Variants in PIGB observed in about 807,000 individuals in gnomAD.
The protein encoded by PIGB is GPI alpha-1,2-mannosyltransferase 3.
Under a neutral mutation model 68.4 loss-of-function variants are expected in PIGB, and 58 were observed. The observed-to-expected ratio is 0.85, with a 90% CI of 0.69 to 1.06. The LOEUF (loss-of-function observed/expected upper bound fraction) is 1.06. Ranked by LOEUF, PIGB falls within the 50% of genes least tolerant of loss-of-function variation. PIGB has a pLI of 0.00. For missense variants in PIGB, 634 were observed against 655.8 expected (o/e 0.97, Z 0.36); for synonymous variants, 219 against 220.5 (o/e 0.99, Z 0.06).
At chr15:55,323,073 C>G (rs2055203153) in intron 3 of PIGB, among the ~76,000 whole-genome samples, 1 of 152,138 alleles carries the variant, frequency 6.6e-6, no homozygotes, top group Non-Finnish European at 1.5e-5. Flanking sequence ...CTGCTCCAAC[C>G]CCTCTAAAAG....
intron 7 of PIGB, among the ~76,000 whole-genome samples, chr15:55,339,658 T>C (rs1457030301): frequency 6.6e-6 from 1 of 152,238 alleles, no homozygotes; most frequent in Non-Finnish European, 1.5e-5. Flanking sequence ...CATTGTAAAG[T>C]ACCACACAGT....
At chr15:55,327,903 C>A (rs1408543272) in intron 4 of PIGB, among the ~76,000 whole-genome samples, 1 of 152,180 alleles carries the variant, frequency 6.6e-6, no homozygotes, top group South Asian at 2.1e-4. Context: ...CCCCTTCACT[C>A]CTCAAAACTG....
intron 6 of PIGB, among the ~76,000 whole-genome samples, chr15:55,335,378 A>G (rs1481701661): frequency 1.3e-5 from 2 of 152,212 alleles, no homozygotes; most frequent in Non-Finnish European, 2.9e-5. Context: ...ATAACATTGC[A>G]TTAAATGTAT....
At chr15:55,339,617 T>G (rs16976260) in intron 7 of PIGB, among the ~76,000 whole-genome samples, 2 of 152,162 alleles carry the variant, frequency 1.3e-5, no homozygotes, top group African/African-American at 4.8e-5. Flanking sequence ...TGTAATGTTT[T>G]CAAAGCTTTA....
Position 55,350,920 on chromosome 15 carries a change from A to G in PIGB, c.1337+8A>G. On this transcript the variant is annotated splice_region_variant and intron_variant, in intron 10 of 11. Coordinates refer to ENST00000164305, the MANE Select transcript of PIGB (RefSeq NM_004855.5). ...CTCTACTCCTTATTACAGGTAATAA[A>G]AGATGTTCCACTATATGCTGTTAAG... 7.2e-7 allele frequency: 1 copy of G among 1,394,916 alleles called. No homozygotes were observed. Among genetic ancestry groups the G allele is most frequent in the Non-Finnish European group, 1.0e-6 (1 of 987,826 alleles). 86.4% of individuals were successfully genotyped at this position (1,394,916 alleles called of 1,614,324 possible). A position where few individuals can be genotyped will look rare whatever the true frequency, so the allele number is the denominator to read the frequency against.
Position 55,324,759 on chromosome 15 carries a change from T to C in PIGB, c.418-2772T>C, listed in dbSNP as rs998348726. The C allele has an allele frequency of 1.4e-5, 14 of 970,880 alleles. No individual in the cohort carries two copies. In the South Asian group the frequency reaches 4.3e-4, roughly 30 times the overall value. 60.1% of individuals were successfully genotyped at this position (970,880 alleles called of 1,614,324 possible). A position where few individuals can be genotyped will look rare whatever the true frequency, so the allele number is the denominator to read the frequency against. On this transcript the variant is annotated intron_variant, in intron 3 of 11. Coordinates refer to ENST00000164305, the MANE Select transcript of PIGB (RefSeq NM_004855.5). The stretch of plus-strand genomic sequence containing the variant: ...TATTAAGTTTGTAGCCAAATTGACT[T>C]TTCATATGAACTGCTTTCAGGGGGC...
intron 2 of PIGB, among the ~76,000 whole-genome samples, chr15:55,320,618 A>G (rs567838764): frequency 6.6e-6 from 1 of 152,330 alleles, no homozygotes; most frequent in East Asian, 1.9e-4. Flanking sequence ...CTTATGATAA[A>G]GTTTATACAA....
chr15:55,334,469 T>C (rs975834970), intron 6 of PIGB, among the ~76,000 whole-genome samples: 4 of 152,156 alleles, frequency 2.6e-5, no homozygotes, highest in Non-Finnish European at 4.4e-5. Context: ...TATACTGGTA[T>C]TGAAACCCAC....
Position 55,327,555 on chromosome 15 carries a change from GCACT to G in PIGB, c.443_446del (p.Ala148ValfsTer5). 1 of 1,610,460 alleles carries G rather than the reference GCACT, an allele frequency of 6.2e-7. No homozygotes were observed. The highest frequency in any genetic ancestry group is 1.3e-5 in the African/African-American group (1 of 74,910). ...GATTTGGATTCCTAGACTTGCCCAA[GCACT>G]TCTGTCTGCTGTAGCAGATGTGAGA... On this transcript the variant is annotated frameshift_variant, in exon 4 of 12. Transcript: ENST00000164305. LOFTEE classifies it high-confidence loss of function.
chr15:55,325,499 C>A (rs11635126), intron 3 of PIGB, among the ~76,000 whole-genome samples: 73,963 of 151,962 alleles, frequency 0.49, 21,344 homozygotes, highest in African/African-American at 0.79. Context: ...TAGCATTAGC[C>A]TTTCTAACTA....
chr15:55,352,443 T>C (rs2055945686), intron 10 of PIGB, among the ~76,000 whole-genome samples: 1 of 152,234 alleles, frequency 6.6e-6, no homozygotes, highest in African/African-American at 2.4e-5. Context: ...TATTAGTTAC[T>C]AATTACCCAG....
chr15:55,344,430 A>ATT (rs959987139), intron 9 of PIGB, among the ~76,000 whole-genome samples: 3 of 152,256 alleles, frequency 2.0e-5, no homozygotes, highest in Non-Finnish European at 2.9e-5. Context: ...AGGGCTTGGA[A>ATT]TTTGCATACT....
intron 5 of PIGB, among the ~76,000 whole-genome samples, chr15:55,332,678 A>G (rs920475219): frequency 6.6e-6 from 1 of 152,098 alleles, no homozygotes; most frequent in African/African-American, 2.4e-5. Flanking sequence ...TGGCCTACAG[A>G]TTTCTTTATA....
chr15:55,347,979 GTTTC>G (rs1157239370), intron 9 of PIGB, among the ~76,000 whole-genome samples: 23 of 126,326 alleles, frequency 1.8e-4, no homozygotes, highest in Non-Finnish European at 3.0e-4. Context: ...TAGTGCCATA[GTTTC>G]TTTTTTTTTT....
chr15:55,320,895 C>G (rs1476948835), intron 2 of PIGB, among the ~76,000 whole-genome samples: 1 of 152,104 alleles, frequency 6.6e-6, no homozygotes, highest in Non-Finnish European at 1.5e-5. Context: ...TCTCCTGTAT[C>G]TTTCTTTTAT....
intron 5 of PIGB, among the ~76,000 whole-genome samples, chr15:55,331,139 T>C (rs1463783743): frequency 6.6e-6 from 1 of 152,228 alleles, no homozygotes; most frequent in East Asian, 1.9e-4. Flanking sequence ...CTTCTGTTTT[T>C]GCTAGCAATT....
chr15:55,340,578 A>G (rs779662430), intron 7 of PIGB, 34 bp from the exon 8 acceptor site: 6 of 1,443,386 alleles, frequency 4.2e-6, no homozygotes, highest in Non-Finnish European at 5.8e-6. Context: ...TGGCACTAAC[A>G]CATTTCTATT....
At chr15:55,341,869 T>C in intron 9 of PIGB, 67 bp downstream of exon 9, 1 of 597,294 alleles carries the variant, frequency 1.7e-6, no homozygotes, top group Non-Finnish European at 2.7e-6. Context: ...CACATCCTCA[T>C]TAAACTATGT....
chr15:55,328,500 T>C (rs1223943173), intron 4 of PIGB, among the ~76,000 whole-genome samples: 1 of 152,252 alleles, frequency 6.6e-6, no homozygotes, highest in African/African-American at 2.4e-5. Context: ...TCTGCAGGTA[T>C]TCTATTCCTT....
Sources: gnomAD v4.1 joint callset for allele counts (sites outside exome capture counted in the v4.1 genomes callset) on GRCh38, gnomAD v4.1.1 for gene constraint, MANE v1.5 for transcripts, NCBI Gene and HGNC (gene_info 2026-07-23, HGNC 2026-07-21) for gene names.